PALLD: variants seen among roughly 807,000 people sequenced by gnomAD.
PALLD encodes palladin.
PALLD carries 61 observed loss-of-function variants against 123.5 expected under a neutral mutation model. The observed-to-expected ratio is 0.49, with a 90% CI of 0.40 to 0.61. PALLD has a LOEUF of 0.61. PALLD is among the 20% of genes least tolerant of loss of function. The pLI is 0.00. For synonymous variants in PALLD, 465 were observed against 496.4 expected (o/e 0.94, Z 0.84); for missense variants, 1,273 against 1,377.0 (o/e 0.92, Z 1.20).
At chr4:168,670,832 T>G (rs1228040497) in intron 3 of PALLD, among the ~76,000 whole-genome samples, 1 of 142,530 alleles carries the variant, frequency 7.0e-6, no homozygotes, top group Non-Finnish European at 1.5e-5. Context: ...ACACCTGTAA[T>G]CCCAGCACTT....
intron 2 of PALLD, among the ~76,000 whole-genome samples, chr4:168,576,414 T>A (rs1379403096): frequency 6.6e-6 from 1 of 151,872 alleles, no homozygotes; most frequent in East Asian, 1.9e-4. Context: ...GGCCCTGGTG[T>A]GTGATGTTCC....
At chr4:168,904,190 G>A in intron 15 of PALLD, 1 of 393,832 alleles carries the variant, frequency 2.5e-6, no homozygotes. Context: ...GTGGTAGACT[G>A]GACAAAGTCC....
At position 168,541,599 on chromosome 4, in the gene PALLD, C is replaced by T. The variant is rs1024784311; in HGVS notation, c.908+29187C>T. Reference sequence around the variant, plus strand: ...CTGAGTAGCTGGGATTACAGGCGCTCGCCACCACACCTGGCTAATTTTTTT... The same window carrying T: ...CTGAGTAGCTGGGATTACAGGCGCTTGCCACCACACCTGGCTAATTTTTTT... On this transcript the variant is annotated intron_variant, in intron 2 of 21. Coordinates refer to ENST00000505667, the MANE Select transcript of PALLD (RefSeq NM_001166108.2). Among the ~76,000 whole-genome samples, 15 of 152,158 alleles carry T rather than the reference C, an allele frequency of 9.9e-5. No individual in the cohort carries two copies. In the South Asian group the frequency reaches 2.1e-3, roughly 21 times the overall value.
At chr4:168,558,025 T>C (rs1767497410) in intron 2 of PALLD, among the ~76,000 whole-genome samples, 1 of 152,166 alleles carries the variant, frequency 6.6e-6, no homozygotes, top group Non-Finnish European at 1.5e-5. Context: ...CTTTGTAGGC[T>C]CTACAGAGCC....
At chr4:168,751,034 T>G (rs924594967) in intron 10 of PALLD, among the ~76,000 whole-genome samples, 1 of 150,254 alleles carries the variant, frequency 6.7e-6, no homozygotes, top group African/African-American at 2.5e-5. Flanking sequence ...TTTTTTGAGA[T>G]GGAGTTTTGC....
chr4:168,924,558 C>A lies in PALLD; in HGVS notation c.3224+138C>A, dbSNP rs1344375999. Reference sequence around the variant, plus strand: ...GATTTTTGATGAAATCAATCAAAGACAAAAACCATGCGTTACCCAATGTAG... The same window carrying A: ...GATTTTTGATGAAATCAATCAAAGAAAAAAACCATGCGTTACCCAATGTAG... On this transcript the variant is annotated intron_variant, in intron 19 of 21. Transcript: ENST00000505667. 4 of 907,508 alleles carry A rather than the reference C, an allele frequency of 4.4e-6. No individual in the cohort carries two copies. In the African/African-American group the frequency reaches 5.0e-5, roughly 11 times the overall value. The allele number at this position is 907,508 out of a possible 1,614,324, so 56.2% of individuals were successfully genotyped here. A position where few individuals can be genotyped will look rare whatever the true frequency, so the allele number is the denominator to read the frequency against.
chr4:168,825,359 CAAT>C (rs1453015850), intron 10 of PALLD, among the ~76,000 whole-genome samples: 1 of 152,130 alleles, frequency 6.6e-6, no homozygotes, highest in African/African-American at 2.4e-5. Context: ...AAAATAATCT[CAAT>C]GATTCTCTTA....
rs1319667256 is a variant in PALLD at position 168,590,886 on chromosome 4, T to G, written c.909-77304T>G. On this transcript the variant is annotated intron_variant, in intron 2 of 21. Coordinates refer to ENST00000505667, the MANE Select transcript of PALLD (RefSeq NM_001166108.2). ...AAAGTTTTTTTTTTTTTTTTTTTTTTTTTTTTTTTTGAGAGGGAGTTTCAC... is the reference window on the plus strand; with the variant it reads ...AAAGTTTTTTTTTTTTTTTTTTTTTGTTTTTTTTTTGAGAGGGAGTTTCAC... 6.3e-5 allele frequency among the ~76,000 whole-genome samples: 9 copies of G among 141,764 alleles called. No homozygotes were observed. In the South Asian group the frequency reaches 1.2e-3, roughly 19 times the overall value. 93.0% of individuals were successfully genotyped at this position (141,764 alleles called of 152,430 possible).
At chr4:168,527,437 A>AAAAAAAAAAAAAC (rs1764173609) in intron 2 of PALLD, among the ~76,000 whole-genome samples, 1 of 150,682 alleles carries the variant, frequency 6.6e-6, no homozygotes, top group Non-Finnish European at 1.5e-5. Flanking sequence ...AAAAAAAAAA[A>AAAAAAAAAAAAAC]AAAAAAAGTC....
chr4:168,772,030 A>G (rs897955503), intron 10 of PALLD, among the ~76,000 whole-genome samples: 6 of 152,208 alleles, frequency 3.9e-5, no homozygotes, highest in African/African-American at 1.2e-4. Flanking sequence ...CTATCCATTT[A>G]TGGTTGGTTA....
At chr4:168,513,470 C>A (rs1177771648) in intron 2 of PALLD, among the ~76,000 whole-genome samples, 2 of 152,132 alleles carry the variant, frequency 1.3e-5, no homozygotes, top group Admixed American at 1.3e-4. Flanking sequence ...ATCCTGGAGT[C>A]CCCCTGCAGG....
intron 12 of PALLD, among the ~76,000 whole-genome samples, chr4:168,895,496 T>C (rs1458826798): frequency 6.6e-6 from 1 of 152,244 alleles, no homozygotes; most frequent in Non-Finnish European, 1.5e-5. Context: ...TAACACGTAT[T>C]CTGTATGTTA....
chr4:168,654,099 A>G (rs1424063753), intron 2 of PALLD, among the ~76,000 whole-genome samples: 1 of 152,124 alleles, frequency 6.6e-6, no homozygotes, highest in African/African-American at 2.4e-5. Context: ...GGGACTACAC[A>G]TGGCTCATCA....
chr4:168,706,861 A>C (rs1784278962), intron 8 of PALLD, among the ~76,000 whole-genome samples: 1 of 152,200 alleles, frequency 6.6e-6, no homozygotes, highest in South Asian at 2.1e-4. Flanking sequence ...TTTTTCTAGA[A>C]TCAAATACAA....
rs376455190 is a variant in PALLD, at chr4:168,798,059, G to T, written c.1964+86136G>T. Among the ~76,000 whole-genome samples, 3 of 152,246 alleles carry T rather than the reference G, an allele frequency of 2.0e-5. No individual in the cohort carries two copies. In the East Asian group the frequency reaches 5.8e-4, roughly 29 times the overall value. On this transcript the variant is annotated intron_variant, in intron 10 of 21. Coordinates refer to ENST00000505667, the MANE Select transcript of PALLD (RefSeq NM_001166108.2). ...CCCACCTTATTTTTATGAAAAGTCTGCCCAGTTACCCGCTTTGTCCCGACA... is the reference window on the plus strand; with the variant it reads ...CCCACCTTATTTTTATGAAAAGTCTTCCCAGTTACCCGCTTTGTCCCGACA...
intron 2 of PALLD, among the ~76,000 whole-genome samples, chr4:168,522,484 T>C (rs183240076): frequency 3.0e-4 from 46 of 152,332 alleles, no homozygotes; most frequent in African/African-American, 9.9e-4. Flanking sequence ...CTACTCAATG[T>C]CTCAAATCTT....
intron 10 of PALLD, among the ~76,000 whole-genome samples, chr4:168,795,220 A>T (rs1005747905): frequency 2.0e-5 from 3 of 152,192 alleles, no homozygotes; most frequent in Non-Finnish European, 2.9e-5. Context: ...AAGATCTCAC[A>T]ATGTCTGCAC....
rs1017290715 is a variant in PALLD at position 168,922,118 on chromosome 4, C to T, written c.3058+377C>T. 2.0e-3 allele frequency among the ~76,000 whole-genome samples: 279 copies of T among 142,430 alleles called. 6 individuals carry two copies. In the East Asian group the frequency reaches 0.03, roughly 15 times the overall value. The allele number at this position is 142,430 out of a possible 152,430, so 93.4% of individuals were successfully genotyped here. ...ATATATATATACACACACACACACA[C>T]ACACACACACACACACACACACACA... On this transcript the variant is annotated intron_variant, in intron 18 of 21. Coordinates refer to ENST00000505667, the MANE Select transcript of PALLD (RefSeq NM_001166108.2).
At chr4:168,825,592 G>T (rs1743306231) in intron 10 of PALLD, among the ~76,000 whole-genome samples, 2 of 152,164 alleles carry the variant, frequency 1.3e-5, no homozygotes, top group African/African-American at 4.8e-5. Flanking sequence ...CAGAGTTAGG[G>T]AAATAGACCC....
Sources: gnomAD v4.1 joint callset for allele counts (sites outside exome capture counted in the v4.1 genomes callset) on GRCh38, gnomAD v4.1.1 for gene constraint, MANE v1.5 for transcripts, NCBI Gene and HGNC (gene_info 2026-07-23, HGNC 2026-07-21) for gene names.